The following ABCA13 variants were observed in gnomAD, a reference collection of about 807,000 sequenced individuals.
The protein encoded by ABCA13 is ATP binding cassette subfamily A member 13, also known as ATP-binding cassette sub-family A member 13.
Under a neutral mutation model 478.7 loss-of-function variants are expected in ABCA13, and 476 were observed. The ratio of observed to expected loss-of-function variants is 0.99; its 90% CI spans 0.92 to 1.07. The LOEUF (loss-of-function observed/expected upper bound fraction) is 1.07. ABCA13 is among the 50% of genes least tolerant of loss of function. The probability of loss-of-function intolerance (pLI) is 0.00; values close to 1 mark genes in which losing one functional copy is unlikely to be tolerated. For synonymous variants in ABCA13, 2,252 were observed against 2,158.9 expected (o/e 1.04, Z -1.20); for missense variants, 6,060 against 5,910.6 (o/e 1.03, Z -0.83).
chr7:48,437,396 C>T (rs1195478056), intron 42 of ABCA13, among the ~76,000 whole-genome samples: 2 of 152,062 alleles, frequency 1.3e-5, no homozygotes, highest in Non-Finnish European at 1.5e-5. Flanking sequence ...TACTTCTAAT[C>T]TATGTGTATC....
At chr7:48,524,678 T>C (rs938775240) in intron 54 of ABCA13, among the ~76,000 whole-genome samples, 2 of 152,172 alleles carry the variant, frequency 1.3e-5, no homozygotes, top group Non-Finnish European at 2.9e-5. Context: ...AAAAATTTCA[T>C]GTGATTGCAT....
Position 48,274,165 on chromosome 7 carries a change from T to C in ABCA13, c.4499T>C (p.Val1500Ala). 1 of 1,610,694 alleles carries C rather than the reference T, an allele frequency of 6.2e-7. No individual in the cohort carries two copies. The highest frequency in any genetic ancestry group is 8.5e-7 in the Non-Finnish European group (1 of 1,177,944). The change falls in exon 17 of 62, where the codon GTA (valine) becomes GCA (alanine). Residue 1500 changes from valine to alanine, a missense_variant. Coordinates refer to ENST00000435803, the MANE Select transcript of ABCA13 (RefSeq NM_152701.5). Reference protein sequence around the residue: ...LALLNDSTKQVRMSINNLTTD... With the variant: ...LALLNDSTKQARMSINNLTTD... ...CTTTTAAATGATTCCACAAAGCAAG[T>C]AAGGATGAGTATCAACAACTTAACA...
rs555432213 is a variant in ABCA13, at chr7:48,645,012, C to T, written c.15081+258C>T. Among the ~76,000 whole-genome samples the T allele has an allele frequency of 7.9e-5, 12 of 152,238 alleles. No homozygotes were observed. The South Asian group carries it at 1.0e-3, about 13-fold the overall frequency. On this transcript the variant is annotated intron_variant, in intron 61 of 61. Coordinates refer to ENST00000435803, the MANE Select transcript of ABCA13 (RefSeq NM_152701.5). Reference sequence around the variant, plus strand: ...GCATTTAACTAATTAAATCATGTCACGTTAACCTTCCTATCTCCACCTTAC... The same window carrying T: ...GCATTTAACTAATTAAATCATGTCATGTTAACCTTCCTATCTCCACCTTAC...
chr7:48,540,676 A>G (rs187178539), intron 55 of ABCA13, among the ~76,000 whole-genome samples: 8 of 152,176 alleles, frequency 5.3e-5, no homozygotes, highest in East Asian at 3.9e-4. Context: ...TTGAGGTTAT[A>G]TTATCTAAAA....
In ABCA13 at chr7:48,350,770, C is replaced by T. The variant is rs1808850057; in HGVS notation, c.10332C>T (p.Ile3444=). Residue 3444 remains isoleucine (I), a synonymous_variant, in exon 30 of 62, where the codon ATC becomes ATT. Transcript: ENST00000435803. ...NRFQALQSVD[I]LETKAHELLQ... is the part of the protein sequence containing the mutation. The stretch of plus-strand genomic sequence containing the variant: ...TCCAGGCTCTGCAGTCTGTCGACAT[C>T]CTGGAGACTAAAGCACATGAACTCT... 6.2e-7 allele frequency: 1 copy of T among 1,613,904 alleles called. No individual in the cohort carries two copies. The highest frequency in any genetic ancestry group is 8.5e-7 in the Non-Finnish European group (1 of 1,179,842).
In ABCA13 at chr7:48,457,342, TC is replaced by T. The variant is rs1281236187; in HGVS notation, c.12815+2057del. Among the ~76,000 whole-genome samples, 6 of 101,168 alleles carry T rather than the reference TC, an allele frequency of 5.9e-5. No individual in the cohort carries two copies. In the Admixed American group the frequency reaches 6.4e-4, roughly 11 times the overall value. 66.4% of individuals were successfully genotyped at this position (101,168 alleles called of 152,430 possible). On this transcript the variant is annotated intron_variant, in intron 43 of 61. Transcript: ENST00000435803. ...AACTGACTTCTTCACCCTCCTCCCC[TC>T]TCTCAACTTTACCGCTTATCTTTTT...
rs558090499 is a variant in ABCA13 at position 48,405,131 on chromosome 7, G to A, written c.12070+1252G>A. On this transcript the variant is annotated intron_variant, in intron 39 of 61. Coordinates refer to ENST00000435803, the MANE Select transcript of ABCA13 (RefSeq NM_152701.5). Reference sequence around the variant, plus strand: ...CCATGAACTTTGACATTGAAAGACAGGGCTTGCTAGGCATGCTGCCATGGA... The same window carrying A: ...CCATGAACTTTGACATTGAAAGACAAGGCTTGCTAGGCATGCTGCCATGGA... Among the ~76,000 whole-genome samples the A allele has an allele frequency of 9.8e-5, 15 of 152,346 alleles. No homozygotes were observed. In the South Asian group the frequency reaches 2.9e-3, roughly 29 times the overall value.
chr7:48,459,975 G>A (rs1422628559), intron 43 of ABCA13, among the ~76,000 whole-genome samples: 1 of 152,024 alleles, frequency 6.6e-6, no homozygotes, highest in Non-Finnish European at 1.5e-5. Context: ...AGCCCTCCTT[G>A]AACATGGACC....
intron 38 of ABCA13, among the ~76,000 whole-genome samples, chr7:48,394,471 T>C (rs1816540921): frequency 6.6e-6 from 1 of 152,144 alleles, no homozygotes; most frequent in South Asian, 2.1e-4. Flanking sequence ...TCCTGAGCAT[T>C]CTGTCCAGAA....
chr7:48,427,979 G>A (rs1821661252), intron 42 of ABCA13, 108 bp downstream of exon 42: 4 of 728,042 alleles, frequency 5.5e-6, no homozygotes, highest in Non-Finnish European at 6.4e-6. Context: ...AAGTTAGTGA[G>A]GAGATGTGAG....
intron 5 of ABCA13, among the ~76,000 whole-genome samples, chr7:48,222,533 C>G (rs1002602080): frequency 9.2e-5 from 14 of 152,040 alleles, no homozygotes. Context: ...TCAAATTTCC[C>G]AAAGTAAGAT....
Position 48,297,215 on chromosome 7 carries a change from A to T in ABCA13, c.9120-17A>T. The T allele has an allele frequency of 6.3e-7, 1 of 1,587,082 alleles. No homozygotes were observed. The highest frequency in any genetic ancestry group is 2.3e-5 in the East Asian group (1 of 44,122). ...TTTTAGCTTGCCTAATTTAGCTTTA[A>T]TTTTCTGCCATTTTAGGTTGGCCAA... On this transcript the variant is annotated splice_polypyrimidine_tract_variant and intron_variant, in intron 21 of 61. Coordinates refer to ENST00000435803, the MANE Select transcript of ABCA13 (RefSeq NM_152701.5).
At chr7:48,543,951 G>C (rs1784583508) in intron 55 of ABCA13, among the ~76,000 whole-genome samples, 1 of 151,568 alleles carries the variant, frequency 6.6e-6, no homozygotes. Flanking sequence ...TGCCTAGGGA[G>C]ATAACAGAAA....
intron 10 of ABCA13, 42 bp downstream of exon 10, chr7:48,241,108 A>G (rs766155563): frequency 3.6e-5 from 57 of 1,604,628 alleles, no homozygotes; most frequent in Admixed American, 5.0e-5. Context: ...TAGGTAGATG[A>G]CACAGAATGT....
intron 32 of ABCA13, among the ~76,000 whole-genome samples, chr7:48,368,796 C>G (rs1812179883): frequency 1.4e-5 from 2 of 146,582 alleles, no homozygotes; most frequent in South Asian, 4.3e-4. Flanking sequence ...CACACACACA[C>G]AGACATTTTC....
At chr7:48,260,396 G>T (rs1353344935) in intron 15 of ABCA13, among the ~76,000 whole-genome samples, 2 of 152,036 alleles carry the variant, frequency 1.3e-5, no homozygotes, top group Non-Finnish European at 2.9e-5. Flanking sequence ...GTTTTAAACT[G>T]TGGCTAAACT....
At chr7:48,618,160 C>A (rs1200237599) in intron 59 of ABCA13, among the ~76,000 whole-genome samples, 1 of 152,136 alleles carries the variant, frequency 6.6e-6, no homozygotes, top group African/African-American at 2.4e-5. Flanking sequence ...CTACCCCAAT[C>A]TGCAGGTGGC....
chr7:48,278,976 TCTTGA>T lies in ABCA13; in HGVS notation c.7787_7791del (p.Asp2596GlyfsTer3), dbSNP rs1562954402. 7 of 1,613,336 alleles carry T rather than the reference TCTTGA, an allele frequency of 4.3e-6. No individual in the cohort carries two copies. The highest frequency in any genetic ancestry group is 1.7e-5 in the Admixed American group (1 of 59,962). The stretch of plus-strand genomic sequence containing the variant: ...AGATAAATGATTTGTTGGTGCCATT[TCTTGA>T]CTTGGCCTTTGAAATGATTGGGGTA... On this transcript the variant is annotated frameshift_variant, in exon 18 of 62. Transcript: ENST00000435803. LOFTEE classifies it high-confidence loss of function.
rs1419333655 is a variant in ABCA13 at position 48,196,136 on chromosome 7, A to G, written c.164-2101A>G. On this transcript the variant is annotated intron_variant, in intron 2 of 61. Transcript: ENST00000435803. Reference sequence around the variant, plus strand: ...TGTGAATGATTTAGTTGTAAATGATAGAGAGCACTAAGTCTGCCATCCACT... The same window carrying G: ...TGTGAATGATTTAGTTGTAAATGATGGAGAGCACTAAGTCTGCCATCCACT... Among the ~76,000 whole-genome samples the G allele has an allele frequency of 7.2e-5, 11 of 152,210 alleles. No individual in the cohort carries two copies. In the East Asian group the frequency reaches 1.7e-3, roughly 24 times the overall value.
Sources: allele counts gnomAD v4.1 joint callset (sites outside exome capture counted in the v4.1 genomes callset), GRCh38; gene constraint gnomAD v4.1.1; transcripts MANE v1.5; gene names NCBI Gene and HGNC (gene_info 2026-07-23, HGNC 2026-07-21).